CNTN4: variants seen among roughly 807,000 people sequenced by gnomAD.
The protein encoded by CNTN4 is contactin-4.
CNTN4 carries 77 observed loss-of-function variants against 122.5 expected under a neutral mutation model. That is an observed-to-expected ratio of 0.63 (90% CI 0.52 to 0.76). CNTN4 has a LOEUF of 0.76. Ranked by LOEUF, CNTN4 falls within the 30% of genes least tolerant of loss-of-function variation. CNTN4 has a pLI of 0.00. For synonymous variants in CNTN4, 512 were observed against 447.0 expected (o/e 1.15, Z -1.83); for missense variants, 1,256 against 1,259.1 (o/e 1.00, Z 0.04).
At chr3:2,263,341 G>A (rs2040914546) in intron 2 of CNTN4, among the ~76,000 whole-genome samples, 1 of 151,448 alleles carries the variant, frequency 6.6e-6, no homozygotes, top group African/African-American at 2.4e-5. Context: ...ATGGAGAGAT[G>A]GTATTTTTAT....
Position 3,056,380 on chromosome 3 carries a change from C to T in CNTN4, c.*160C>T. 3.2e-6 allele frequency: 2 copies of T among 620,642 alleles called. No individual in the cohort carries two copies. Among genetic ancestry groups the T allele is most frequent in the Non-Finnish European group, 5.8e-6 (2 of 346,480 alleles). 38.4% of individuals were successfully genotyped at this position (620,642 alleles called of 1,614,324 possible). Reference sequence around the variant, plus strand: ...TAGGAATGGCATTATACAGTACTTCCTCAAAGCAAATCTAGCTTTGTCTGA... The same window carrying T: ...TAGGAATGGCATTATACAGTACTTCTTCAAAGCAAATCTAGCTTTGTCTGA... On this transcript the variant is annotated 3_prime_UTR_variant, in exon 25 of 25. Transcript: ENST00000418658.
At chr3:2,911,601 T>G (rs184123410) in intron 12 of CNTN4, among the ~76,000 whole-genome samples, 9 of 152,130 alleles carry the variant, frequency 5.9e-5, no homozygotes, top group African/African-American at 9.6e-5. Context: ...GAAACAGAGG[T>G]ATATCAATTA....
At chr3:2,829,868 G>A (rs2093065719) in intron 7 of CNTN4, among the ~76,000 whole-genome samples, 1 of 152,180 alleles carries the variant, frequency 6.6e-6, no homozygotes, top group Admixed American at 6.5e-5. Context: ...TTCCCTAGGA[G>A]TAGTAGCTAC....
intron 4 of CNTN4, among the ~76,000 whole-genome samples, chr3:2,710,140 A>C (rs2087040945): frequency 6.6e-6 from 1 of 152,190 alleles, no homozygotes; most frequent in South Asian, 2.1e-4. Context: ...TCTTATGAGC[A>C]TTTCGGGGCA....
chr3:2,366,309 G>A (rs372265893), intron 3 of CNTN4, among the ~76,000 whole-genome samples: 1 of 152,280 alleles, frequency 6.6e-6, no homozygotes, highest in East Asian at 1.9e-4. Flanking sequence ...TTTCATATAA[G>A]TAAAGTCTTT....
intron 6 of CNTN4, among the ~76,000 whole-genome samples, chr3:2,759,824 A>G (rs548600016): frequency 3.3e-5 from 5 of 152,060 alleles, no homozygotes; most frequent in Non-Finnish European, 7.4e-5. Context: ...TAATTTCTCC[A>G]CATCCTCACT....
At chr3:2,459,907 T>C (rs2049139280) in intron 3 of CNTN4, among the ~76,000 whole-genome samples, 1 of 152,200 alleles carries the variant, frequency 6.6e-6, no homozygotes, top group Non-Finnish European at 1.5e-5. Flanking sequence ...CCCTTGTATT[T>C]ATGGAAGTTA....
chr3:2,626,496 C>CAAAAAAAAAAAAAAA (rs35668647), intron 4 of CNTN4, among the ~76,000 whole-genome samples: 2 of 144,016 alleles, frequency 1.4e-5, no homozygotes, highest in Admixed American at 1.5e-4. Flanking sequence ...GACTCTATCT[C>CAAAAAAAAAAAAAAA]AAAAAAAAAA....
chr3:2,737,936 G>T (rs889335130), intron 5 of CNTN4, among the ~76,000 whole-genome samples: 3 of 152,150 alleles, frequency 2.0e-5, no homozygotes, highest in African/African-American at 4.8e-5. Flanking sequence ...CAACCGAAAA[G>T]AATTTGTAAA....
chr3:2,439,056 G>C (rs999852759), intron 3 of CNTN4, among the ~76,000 whole-genome samples: 1 of 152,178 alleles, frequency 6.6e-6, no homozygotes, highest in Non-Finnish European at 1.5e-5. Context: ...CATGGGAAAT[G>C]TTTGTTAAAA....
intron 2 of CNTN4, among the ~76,000 whole-genome samples, chr3:2,323,645 T>C (rs1239960215): frequency 1.3e-5 from 2 of 152,176 alleles, no homozygotes; most frequent in Non-Finnish European, 2.9e-5. Flanking sequence ...GTTTCTTTGA[T>C]GCTTTCTTTT....
chr3:2,678,878 C>A (rs2085014614), intron 4 of CNTN4, among the ~76,000 whole-genome samples: 1 of 151,332 alleles, frequency 6.6e-6, no homozygotes, highest in Admixed American at 6.6e-5. Context: ...AGGTAACTCC[C>A]CACCCAACTG....
At chr3:2,594,033 CTTAT>C (rs2080633980) in intron 4 of CNTN4, among the ~76,000 whole-genome samples, 1 of 152,096 alleles carries the variant, frequency 6.6e-6, no homozygotes, top group Non-Finnish European at 1.5e-5. Flanking sequence ...AAGACCTTGA[CTTAT>C]TTGAGAACAG....
chr3:2,152,576 G>C (rs1400975536), intron 2 of CNTN4, among the ~76,000 whole-genome samples: 2 of 152,166 alleles, frequency 1.3e-5, no homozygotes, highest in African/African-American at 4.8e-5. Flanking sequence ...TGAAGTATGA[G>C]AGAAAGAAGA....
At chr3:2,307,107 T>G (rs1045934996) in intron 2 of CNTN4, among the ~76,000 whole-genome samples, 12 of 152,264 alleles carry the variant, frequency 7.9e-5, no homozygotes, top group Middle Eastern at 3.4e-3. Context: ...TTATTTTTCC[T>G]AATTGTCCTA....
chr3:3,012,495 G>C (rs965536679), intron 14 of CNTN4, among the ~76,000 whole-genome samples: 12 of 151,910 alleles, frequency 7.9e-5, no homozygotes, highest in African/African-American at 2.9e-4. Flanking sequence ...TGTTGCCCGG[G>C]CTGGAGTGCA....
chr3:2,184,391 G>T (rs2037154696), intron 2 of CNTN4, among the ~76,000 whole-genome samples: 1 of 152,106 alleles, frequency 6.6e-6, no homozygotes, highest in Non-Finnish European at 1.5e-5. Flanking sequence ...GCATGGGTGA[G>T]GGTGAGCTGT....
intron 7 of CNTN4, among the ~76,000 whole-genome samples, chr3:2,834,432 G>T (rs2093171023): frequency 6.6e-6 from 1 of 152,060 alleles, no homozygotes; most frequent in African/African-American, 2.4e-5. Context: ...TGGGCGTGGT[G>T]GTGCATGTTT....
At chr3:2,156,070 C>A (rs1029523953) in intron 2 of CNTN4, among the ~76,000 whole-genome samples, 3 of 152,190 alleles carry the variant, frequency 2.0e-5, no homozygotes, top group East Asian at 3.9e-4. Flanking sequence ...TGAGGTTTTC[C>A]CCTGAGGGCA....
Sources: gnomAD v4.1 joint callset for allele counts (sites outside exome capture counted in the v4.1 genomes callset) on GRCh38, gnomAD v4.1.1 for gene constraint, MANE v1.5 for transcripts, NCBI Gene and HGNC (gene_info 2026-07-23, HGNC 2026-07-21) for gene names.